Variants in CRPPA observed in about 807,000 individuals in gnomAD.
CRPPA encodes D-ribitol-5-phosphate cytidylyltransferase.
A neutral mutation model predicts 52.0 loss-of-function variants in CRPPA; 43 were observed. The ratio of observed to expected loss-of-function variants is 0.83; its 90% CI spans 0.65 to 1.07. The LOEUF is 1.07. Among genes scored for constraint, CRPPA ranks in the 50% least tolerant of loss-of-function variants. The pLI is 0.00. For synonymous variants in CRPPA, 250 were observed against 203.5 expected, an observed-to-expected ratio of 1.23 and a Z score of -1.94; for missense variants, 629 against 551.7, an observed-to-expected ratio of 1.14 and a Z score of -1.40.
chr7:16,397,425 CACGTGTAACGTGTGATGTA>C (rs1285363662), intron 2 of CRPPA, among the ~76,000 whole-genome samples: 1 of 152,182 alleles, frequency 6.6e-6, no homozygotes, highest in East Asian at 1.9e-4. Context: ...ACGTGACTGA[CACGTGTAACGTGTGATGTA>C]ACAGACGTGA....
chr7:16,398,633 A>C (rs189452570), intron 2 of CRPPA, among the ~76,000 whole-genome samples: 1 of 152,222 alleles, frequency 6.6e-6, no homozygotes, highest in African/African-American at 2.4e-5. Flanking sequence ...CATGACTGAC[A>C]CGTGACAAAC....
At chr7:16,131,524 A>T (rs1452492189) in intron 9 of CRPPA, among the ~76,000 whole-genome samples, 2 of 152,174 alleles carry the variant, frequency 1.3e-5, no homozygotes, top group Non-Finnish European at 2.9e-5. Flanking sequence ...ACTTTGGAGT[A>T]CAAAGCTAGC....
chr7:16,328,251 C>T (rs17169424), intron 3 of CRPPA, among the ~76,000 whole-genome samples: 1 of 151,854 alleles, frequency 6.6e-6, no homozygotes, highest in Non-Finnish European at 1.5e-5. Flanking sequence ...CTGAAAAAGT[C>T]GAGAATCTTG....
intron 8 of CRPPA, among the ~76,000 whole-genome samples, chr7:16,257,187 AG>A (rs974400428): frequency 7.2e-4 from 110 of 152,266 alleles, no homozygotes; most frequent in African/African-American, 2.3e-3. Context: ...AACTAGACCA[AG>A]AAACAAGTGT....
chr7:16,246,202 C>T (rs767764556), intron 8 of CRPPA, among the ~76,000 whole-genome samples: 6 of 152,130 alleles, frequency 3.9e-5, no homozygotes, highest in African/African-American at 7.2e-5. Flanking sequence ...ATTCCAACAA[C>T]GTTCACAGTA....
At chr7:16,213,815 G>A (rs1006469041) in intron 9 of CRPPA, among the ~76,000 whole-genome samples, 1 of 151,408 alleles carries the variant, frequency 6.6e-6, no homozygotes, top group Non-Finnish European at 1.5e-5. Context: ...TCTATTTTAA[G>A]TATTAAACTA....
rs1491461185 is a variant in CRPPA at position 16,342,798 on chromosome 7, T to TATATATATAGATATATAGATATA, written c.684+33293_684+33294insTATATCTATATATCTATATATAT. Among the ~76,000 whole-genome samples, 377 of 101,156 alleles carry TATATATATAGATATATAGATATA rather than the reference T, an allele frequency of 3.7e-3. 28 individuals carry two copies. The highest frequency in any genetic ancestry group is 9.0e-3 in the Middle Eastern group (2 of 222). The allele number at this position is 101,156 out of a possible 152,430, so 66.4% of individuals were successfully genotyped here. A position where few individuals can be genotyped will look rare whatever the true frequency, so the allele number is the denominator to read the frequency against. On this transcript the variant is annotated intron_variant, in intron 3 of 9. Transcript: ENST00000407010. ...AAAAAAAAAAATATATATATATATATCTATATAGATATATAGATATACATA... is the reference window on the plus strand; with the variant it reads ...AAAAAAAAAAATATATATATATATATATATATATAGATATATAGATATACTATATAGATATATAGATATACATA...
intron 2 of CRPPA, among the ~76,000 whole-genome samples, chr7:16,377,477 T>C (rs1786924796): frequency 6.6e-6 from 1 of 152,192 alleles, no homozygotes; most frequent in Non-Finnish European, 1.5e-5. Context: ...AGTTAAAAAA[T>C]ACTTAAGAGA....
At chr7:16,329,443 G>A in intron 3 of CRPPA, among the ~76,000 whole-genome samples, 1 of 152,204 alleles carries the variant, frequency 6.6e-6, no homozygotes, top group East Asian at 1.9e-4. Context: ...ATCTGGTAAT[G>A]TATTATCTGT....
intron 9 of CRPPA, among the ~76,000 whole-genome samples, chr7:16,213,258 T>C (rs981328628): frequency 3.9e-5 from 6 of 152,314 alleles, no homozygotes. Context: ...ATCTTAATGA[T>C]GACTTGCACA....
chr7:16,398,334 G>C (rs77613039), intron 2 of CRPPA, among the ~76,000 whole-genome samples: 2 of 150,326 alleles, frequency 1.3e-5, no homozygotes, highest in African/African-American at 5.0e-5. Flanking sequence ...TGATCAATAC[G>C]TTATCAACAC....
At chr7:16,354,146 G>A (rs1042984423) in intron 3 of CRPPA, among the ~76,000 whole-genome samples, 1 of 152,032 alleles carries the variant, frequency 6.6e-6, no homozygotes, top group Non-Finnish European at 1.5e-5. Flanking sequence ...CACATTGTAA[G>A]GACACAATTT....
At chr7:16,305,148 A>G (rs1784880299) in intron 4 of CRPPA, among the ~76,000 whole-genome samples, 1 of 152,192 alleles carries the variant, frequency 6.6e-6, no homozygotes, top group African/African-American at 2.4e-5. Context: ...AAATCTTACA[A>G]TGTTATCAAA....
chr7:16,169,531 A>G (rs979994588), intron 9 of CRPPA, among the ~76,000 whole-genome samples: 4 of 152,232 alleles, frequency 2.6e-5, no homozygotes, highest in African/African-American at 9.6e-5. Flanking sequence ...AAGTATTCAT[A>G]GGAGAATGCT....
chr7:16,194,890 G>A (rs1209207738), intron 9 of CRPPA, among the ~76,000 whole-genome samples: 1 of 150,742 alleles, frequency 6.6e-6, no homozygotes, highest in East Asian at 1.9e-4. Flanking sequence ...ACATTTGGAT[G>A]GATATTGTTG....
At chr7:16,137,298 C>G (rs1782781047) in intron 9 of CRPPA, among the ~76,000 whole-genome samples, 1 of 152,204 alleles carries the variant, frequency 6.6e-6, no homozygotes, top group Non-Finnish European at 1.5e-5. Context: ...CATGCCAGTG[C>G]TTGACCTTGA....
chr7:16,219,109 A>C lies in CRPPA; in HGVS notation c.1120-2912T>G, dbSNP rs573357508. On this transcript the variant is annotated intron_variant, in intron 8 of 9. Coordinates refer to ENST00000407010, the MANE Select transcript of CRPPA (RefSeq NM_001101426.4). ...CGAATTATCTCTCAGACCACAGTGCAATCAAACTAGAACTCAGGATTAAGA... is the reference window on the plus strand; with the variant it reads ...CGAATTATCTCTCAGACCACAGTGCCATCAAACTAGAACTCAGGATTAAGA... Among the ~76,000 whole-genome samples the C allele has an allele frequency of 9.8e-5, 15 of 152,298 alleles. No homozygotes were observed. In the East Asian group the frequency reaches 2.7e-3, roughly 27 times the overall value.
At chr7:16,151,024 T>C (rs1355272478) in intron 9 of CRPPA, among the ~76,000 whole-genome samples, 1 of 152,218 alleles carries the variant, frequency 6.6e-6, no homozygotes. Flanking sequence ...ATAGGTTTTT[T>C]GGAGGACACA....
intron 5 of CRPPA, among the ~76,000 whole-genome samples, chr7:16,297,717 A>G (rs558614240): frequency 2.3e-4 from 35 of 152,346 alleles, no homozygotes; most frequent in African/African-American, 7.5e-4. Flanking sequence ...TAGAAGCTCT[A>G]TAGCCTTTAT....
Sources: gnomAD v4.1 joint callset for allele counts (sites outside exome capture counted in the v4.1 genomes callset) on GRCh38, gnomAD v4.1.1 for gene constraint, MANE v1.5 for transcripts, NCBI Gene and HGNC (gene_info 2026-07-23, HGNC 2026-07-21) for gene names.